DUSP16: variants seen among roughly 807,000 people sequenced by gnomAD.
DUSP16 encodes dual specificity protein phosphatase 16.
In DUSP16, 21 loss-of-function variants were observed where a neutral mutation model predicts 58.3. The observed-to-expected ratio is 0.36, with a 90% CI of 0.26 to 0.52. The LOEUF is 0.52. Ranked by LOEUF, DUSP16 falls within the 20% of genes least tolerant of loss-of-function variation. The pLI, the probability that DUSP16 is intolerant of heterozygous loss-of-function variation, is 0.94. For missense variants in DUSP16, 726 were observed against 819.0 expected (o/e 0.89, Z 1.39); for synonymous variants, 320 against 323.8 (o/e 0.99, Z 0.12).
At chr12:12,545,994 C>A (rs1189612405) in intron 1 of DUSP16, among the ~76,000 whole-genome samples, 1 of 152,056 alleles carries the variant, frequency 6.6e-6, no homozygotes, top group Non-Finnish European at 1.5e-5. Flanking sequence ...TGGAAAAGAA[C>A]TTGTTATAAA....
At position 12,477,875 on chromosome 12, in the gene DUSP16, G is replaced by A. The variant is rs1943487132; in HGVS notation, c.956C>T (p.Pro319Leu). ...TGAGACAGCAGGGACAGGTTCATTTGGCTTCTCCAGGTGCAGCAGCTTGAG... is the reference window on the plus strand; with the variant it reads ...TGAGACAGCAGGGACAGGTTCATTTAGCTTCTCCAGGTGCAGCAGCTTGAG... The part of the protein sequence containing the change: ...SKLKLLHLEK[P>L]NEPVPAVSEG... Residue 319 changes from proline (P) to leucine (L), a missense_variant, in exon 7 of 7, where the codon CCA becomes CTA. Physicochemically the swap from Pro to Leu is moderately conservative, Grantham distance 98. Coordinates refer to ENST00000298573, the MANE Select transcript of DUSP16 (RefSeq NM_030640.3). This position sits in a 1 kb window ranked among gnomAD's most constrained non-coding sequence, Gnocchi z 4.1. 6.2e-7 allele frequency: 1 copy of A among 1,614,052 alleles called. No homozygotes were observed. The highest frequency in any genetic ancestry group is 8.5e-7 in the Non-Finnish European group (1 of 1,180,052).
In DUSP16 at chr12:12,519,921, A is replaced by T; in HGVS notation, c.308T>A (p.Phe103Tyr). Reference protein sequence around the residue: ...QDVASLSSDCFLTVLLGKLEK... With the variant: ...QDVASLSSDCYLTVLLGKLEK... ...CAGTTTACCCAGAAGTACAGTGAGA[A>T]AACAGTCTGAAGAGAGAGAGGCAAC... Residue 103 changes from phenylalanine to tyrosine, a missense_variant, in exon 3 of 7, where the codon TTT (phenylalanine) becomes TAT (tyrosine). By Grantham distance (22) the Phe-to-Tyr change is conservative. Transcript: ENST00000298573. The T allele has an allele frequency of 6.2e-7, 1 of 1,614,128 alleles. No homozygotes were observed. Among genetic ancestry groups the T allele is most frequent in the South Asian group, 1.1e-5 (1 of 91,080 alleles).
Position 12,477,404 on chromosome 12 carries a change from G to T in DUSP16, c.1427C>A (p.Pro476His), listed in dbSNP as rs1490482678. Residue 476 changes from proline to histidine, a missense_variant, in exon 7 of 7, where the codon CCT becomes CAT. Physicochemically the swap from Pro to His is moderately conservative, Grantham distance 77 (BLOSUM62 -2). Coordinates refer to ENST00000298573, the MANE Select transcript of DUSP16 (RefSeq NM_030640.3). This position sits in a 1 kb window ranked among gnomAD's most constrained non-coding sequence, Gnocchi z 4.1. ...SIPKKLQTARPSDSQSKRLHS... is the reference protein window; with the variant it reads ...SIPKKLQTARHSDSQSKRLHS... ...CAATCGCTTGCTCTGGCTGTCTGAA[G>T]GCCTGGCGGTCTGCAGCTTCTTGGG... 1 of 1,611,452 alleles carries T rather than the reference G, an allele frequency of 6.2e-7. No individual in the cohort carries two copies. The highest frequency in any genetic ancestry group is 1.7e-5 in the Admixed American group (1 of 59,684).
chr12:12,505,184 G>A (rs772731444), intron 3 of DUSP16, among the ~76,000 whole-genome samples: 28 of 152,114 alleles, frequency 1.8e-4, no homozygotes, highest in Non-Finnish European at 3.7e-4. Context: ...TATAATAACC[G>A]GAAGAGCCAG....
intron 1 of DUSP16, among the ~76,000 whole-genome samples, chr12:12,551,539 GA>G (rs1451972587): frequency 6.9e-6 from 1 of 145,716 alleles, no homozygotes; most frequent in Admixed American, 6.8e-5. Flanking sequence ...TGGTATTTTG[GA>G]AAACTTGAAT....
At chr12:12,489,626 A>G (rs1046917672) in intron 4 of DUSP16, among the ~76,000 whole-genome samples, 3 of 152,252 alleles carry the variant, frequency 2.0e-5, no homozygotes, top group Non-Finnish European at 4.4e-5. Flanking sequence ...TTTCTGAGAA[A>G]TGAGGTGACT....
chr12:12,538,154 C>T (rs1344311416), intron 1 of DUSP16, among the ~76,000 whole-genome samples: 4 of 152,194 alleles, frequency 2.6e-5, no homozygotes, highest in African/African-American at 9.7e-5. Context: ...CCCCGTGCGC[C>T]ACCACGCCTG....
At position 12,476,596 on chromosome 12, in the gene DUSP16, T is replaced by C; in HGVS notation, c.*237A>G. ...CACTGAATAAAATGGTTTTCCTCCGTCTAGGGGGGATTCTAGCATCTGCCC... is the reference window on the plus strand; with the variant it reads ...CACTGAATAAAATGGTTTTCCTCCGCCTAGGGGGGATTCTAGCATCTGCCC... On this transcript the variant is annotated 3_prime_UTR_variant, in exon 7 of 7. Coordinates refer to ENST00000298573, the MANE Select transcript of DUSP16 (RefSeq NM_030640.3). The C allele has an allele frequency of 2.2e-6, 1 of 460,740 alleles. No homozygotes were observed. The allele number at this position is 460,740 out of a possible 1,614,324, so 28.5% of individuals were successfully genotyped here.
intron 3 of DUSP16, 87 bp downstream of exon 3, chr12:12,519,775 T>G: frequency 3.7e-6 from 5 of 1,339,016 alleles, no homozygotes; most frequent in Non-Finnish European, 5.2e-6. Flanking sequence ...GTTGGGATGA[T>G]CTATTGTACT....
chr12:12,486,569 G>A (rs1218026402), intron 5 of DUSP16, among the ~76,000 whole-genome samples: 1 of 151,384 alleles, frequency 6.6e-6, no homozygotes, highest in Non-Finnish European at 1.5e-5. Flanking sequence ...TGTGGACCCC[G>A]GCTCAGAAAC....
intron 4 of DUSP16, among the ~76,000 whole-genome samples, chr12:12,489,050 A>G (rs1272112735): frequency 6.6e-6 from 1 of 152,252 alleles, no homozygotes; most frequent in African/African-American, 2.4e-5. Flanking sequence ...ATTGCACTCC[A>G]GCCTGGGCAA....
intron 1 of DUSP16, among the ~76,000 whole-genome samples, chr12:12,532,035 G>A (rs1292617700): frequency 3.9e-5 from 6 of 152,054 alleles, no homozygotes; most frequent in African/African-American, 1.4e-4. Flanking sequence ...GCGGGCGCCT[G>A]TGGTCCCAGC....
intron 1 of DUSP16, among the ~76,000 whole-genome samples, chr12:12,548,124 C>G (rs1311113603): frequency 6.6e-6 from 1 of 152,132 alleles, no homozygotes; most frequent in Non-Finnish European, 1.5e-5. Flanking sequence ...TTCTAAGTAG[C>G]TGATTCACAT....
intron 1 of DUSP16, among the ~76,000 whole-genome samples, chr12:12,558,341 A>G (rs1944841511): frequency 6.6e-6 from 1 of 151,966 alleles, no homozygotes; most frequent in African/African-American, 2.4e-5. Context: ...CATATAAGTA[A>G]TGCTCATAAT....
intron 1 of DUSP16, among the ~76,000 whole-genome samples, chr12:12,536,871 T>G (rs1228747971): frequency 6.6e-6 from 1 of 152,126 alleles, no homozygotes; most frequent in Non-Finnish European, 1.5e-5. Context: ...AACCCCCATC[T>G]CTACTAAAAA....
chr12:12,512,625 C>G (rs1417132433), intron 3 of DUSP16, among the ~76,000 whole-genome samples: 1 of 152,102 alleles, frequency 6.6e-6, no homozygotes, highest in Admixed American at 6.6e-5. Context: ...CCAGGTTCAC[C>G]CATATTGTTG....
intron 3 of DUSP16, among the ~76,000 whole-genome samples, chr12:12,504,701 AAAAAAAAAAAAG>A (rs974086426): frequency 6.7e-5 from 9 of 134,930 alleles, no homozygotes; most frequent in Non-Finnish European, 1.3e-4. Flanking sequence ...TAAAAAAAAA[AAAAAAAAAAAAG>A]AAAGAAAGAA....
At chr12:12,498,114 T>G (rs1195932646) in intron 4 of DUSP16, among the ~76,000 whole-genome samples, 2 of 152,038 alleles carry the variant, frequency 1.3e-5, no homozygotes, top group Non-Finnish European at 2.9e-5. Flanking sequence ...TTTTTGGAGA[T>G]CTTTAGGAAA....
chr12:12,549,869 C>T (rs149340554), intron 1 of DUSP16, among the ~76,000 whole-genome samples: 6 of 152,248 alleles, frequency 3.9e-5, no homozygotes, highest in African/African-American at 1.2e-4. Flanking sequence ...TTATCCAACA[C>T]GCTCTGATGT....
Sources: allele counts gnomAD v4.1 joint callset (sites outside exome capture counted in the v4.1 genomes callset), GRCh38; gene constraint gnomAD v4.1.1; non-coding constraint Gnocchi (gnomAD v3.1); transcripts MANE v1.5; gene names NCBI Gene and HGNC (gene_info 2026-07-23, HGNC 2026-07-21).